The following MVB12B variants were observed in gnomAD, a reference collection of about 807,000 sequenced individuals.
MVB12B encodes the protein ESCRT-I complex subunit MVB12B.
Under a neutral mutation model 41.6 loss-of-function variants are expected in MVB12B, and 16 were observed. The ratio of observed to expected loss-of-function variants is 0.38; its 90% CI spans 0.26 to 0.58. The LOEUF (loss-of-function observed/expected upper bound fraction) is 0.58. MVB12B is among the 20% of genes least tolerant of loss of function. MVB12B has a pLI of 0.62. For synonymous variants in MVB12B, 133 were observed against 139.7 expected (o/e 0.95, Z 0.34); for missense variants, 274 against 380.2 (o/e 0.72, Z 2.32).
intron 6 of MVB12B, among the ~76,000 whole-genome samples, chr9:126,418,660 T>G (rs540257200): frequency 6.6e-6 from 1 of 152,328 alleles, no homozygotes; most frequent in Admixed American, 6.5e-5. Flanking sequence ...CCACGTGGCC[T>G]GGCCCCACCG....
At chr9:126,335,856 T>G (rs938749367) in intron 1 of MVB12B, among the ~76,000 whole-genome samples, 2 of 152,270 alleles carry the variant, frequency 1.3e-5, no homozygotes, top group African/African-American at 4.8e-5. Flanking sequence ...AGGGATGTAA[T>G]TAAGCCACTG....
chr9:126,347,212 C>A (rs1012653951), intron 2 of MVB12B, among the ~76,000 whole-genome samples: 3 of 152,232 alleles, frequency 2.0e-5, no homozygotes, highest in Non-Finnish European at 4.4e-5. Context: ...AGAGCCCAGT[C>A]TGAGAGGGGC....
At chr9:126,371,269 C>T (rs1019134373) in intron 2 of MVB12B, among the ~76,000 whole-genome samples, 16 of 152,220 alleles carry the variant, frequency 1.1e-4, no homozygotes, top group Admixed American at 1.3e-4. Context: ...CGTCTGGGTG[C>T]GACAGAAACG....
chr9:126,356,170 CAT>C (rs1240866690), intron 2 of MVB12B, among the ~76,000 whole-genome samples: 20 of 152,202 alleles, frequency 1.3e-4, no homozygotes, highest in Admixed American at 2.6e-4. Flanking sequence ...GTTACTACCA[CAT>C]GTTATTTTTT....
chr9:126,386,906 A>G lies in MVB12B; in HGVS notation c.409+248A>G, dbSNP rs1057389783. On this transcript the variant is annotated intron_variant, in intron 4 of 9. Transcript: ENST00000361171. The surrounding 1 kb of genome is among the most constrained non-coding windows in gnomAD (Gnocchi z 4.3). ...TCTTTTAGAATGGTGCTCCCTGCTG[A>G]ATCGGCTCACTGGGGAATGGAATGG... Among the ~76,000 whole-genome samples the G allele has an allele frequency of 6.6e-6, 1 of 152,104 alleles. No individual in the cohort carries two copies. Among genetic ancestry groups the G allele is most frequent in the African/African-American group, 2.4e-5 (1 of 41,408 alleles).
chr9:126,407,178 AC>A (rs1490391082), intron 6 of MVB12B, among the ~76,000 whole-genome samples: 1 of 152,176 alleles, frequency 6.6e-6, no homozygotes, highest in Non-Finnish European at 1.5e-5. Context: ...CCAAGTTGGG[AC>A]TAGGTCTCAC....
chr9:126,468,763 C>T lies in MVB12B; in HGVS notation c.758-12606C>T, dbSNP rs1833253120. 1.3e-5 allele frequency among the ~76,000 whole-genome samples: 2 copies of T among 152,238 alleles called. No individual in the cohort carries two copies. The highest frequency in any genetic ancestry group is 1.3e-4 in the Admixed American group (2 of 15,290). ...AAAACCTAAATCTCCCCATCTCTCT[C>T]TCCAGCTCAAAGACCCTTTGGTGGC... On this transcript the variant is annotated intron_variant, in intron 7 of 9. Transcript: ENST00000361171. This position sits in a 1 kb window ranked among gnomAD's most constrained non-coding sequence, Gnocchi z 4.3.
At chr9:126,358,531 C>G (rs1336490842) in intron 2 of MVB12B, among the ~76,000 whole-genome samples, 1 of 152,116 alleles carries the variant, frequency 6.6e-6, no homozygotes, top group Non-Finnish European at 1.5e-5. Context: ...GATCTTTTGT[C>G]TAATCTTTCA....
At chr9:126,445,246 CT>C (rs1315763712) in intron 7 of MVB12B, among the ~76,000 whole-genome samples, 4 of 152,096 alleles carry the variant, frequency 2.6e-5, no homozygotes, top group Non-Finnish European at 5.9e-5. Context: ...TCTTTGCTTT[CT>C]GTTTATATAA....
At chr9:126,416,063 G>A (rs1831814039) in intron 6 of MVB12B, among the ~76,000 whole-genome samples, 1 of 152,196 alleles carries the variant, frequency 6.6e-6, no homozygotes, top group African/African-American at 2.4e-5. Context: ...AGGAGGGATG[G>A]GCCAGAGCTG....
In MVB12B at chr9:126,376,629, G is replaced by C; in HGVS notation, c.205-4435G>C. 7.8e-6 allele frequency: 10 copies of C among 1,289,268 alleles called. No homozygotes were observed. Among genetic ancestry groups the C allele is most frequent in the Non-Finnish European group, 1.0e-5 (10 of 988,776 alleles). 79.9% of individuals were successfully genotyped at this position (1,289,268 alleles called of 1,614,324 possible). A position where few individuals can be genotyped will look rare whatever the true frequency, so the allele number is the denominator to read the frequency against. On this transcript the variant is annotated intron_variant, in intron 2 of 9. Transcript: ENST00000361171. The surrounding 1 kb of genome is among the most constrained non-coding windows in gnomAD (Gnocchi z 4.1). The stretch of plus-strand genomic sequence containing the variant: ...GAGGCGGCTGGAAGCAAGAAGGAGG[G>C]TAAGCGCGGGTGGCAGGGAGGGGCC...
Position 126,392,355 on chromosome 9 carries a change from C to T in MVB12B, c.539+160C>T, listed in dbSNP as rs112032652. ...CCTCGCTGCCCTTCCTGCTCAGCTGCGGTCTCTCTGAGCCTCGGCTCGCAC... is the reference window on the plus strand; with the variant it reads ...CCTCGCTGCCCTTCCTGCTCAGCTGTGGTCTCTCTGAGCCTCGGCTCGCAC... On this transcript the variant is annotated intron_variant, in intron 5 of 9. Transcript: ENST00000361171. This position sits in a 1 kb window ranked among gnomAD's most constrained non-coding sequence, Gnocchi z 4.8. 6.6e-6 allele frequency among the ~76,000 whole-genome samples: 1 copy of T among 152,218 alleles called. No homozygotes were observed. The highest frequency in any genetic ancestry group is 1.5e-5 in the Non-Finnish European group (1 of 68,044).
chr9:126,500,956 C>G (rs1244174615), intron 9 of MVB12B, among the ~76,000 whole-genome samples: 1 of 152,238 alleles, frequency 6.6e-6, no homozygotes, highest in Non-Finnish European at 1.5e-5. Flanking sequence ...CCCTCCTCTG[C>G]TACCTTGGGA....
intron 7 of MVB12B, among the ~76,000 whole-genome samples, chr9:126,474,121 G>A (rs551250228): frequency 1.3e-5 from 2 of 152,160 alleles, no homozygotes; most frequent in African/African-American, 4.8e-5. Context: ...AGGCAGCGTG[G>A]GGGGATGAAG....
intron 2 of MVB12B, among the ~76,000 whole-genome samples, chr9:126,354,951 T>C (rs1012259139): frequency 2.6e-5 from 4 of 152,202 alleles, no homozygotes; most frequent in African/African-American, 9.7e-5. Context: ...TTTTTAAACA[T>C]CAGATTTTTA....
At chr9:126,501,343 C>A (rs1833951743) in intron 9 of MVB12B, among the ~76,000 whole-genome samples, 2 of 152,214 alleles carry the variant, frequency 1.3e-5, no homozygotes, top group African/African-American at 4.8e-5. Context: ...GAGATGAGTT[C>A]ACTGAGGGCA....
At position 126,416,860 on chromosome 9, in the gene MVB12B, C is replaced by T. The variant is rs550596678; in HGVS notation, c.663-4994C>T. On this transcript the variant is annotated intron_variant, in intron 6 of 9. Transcript: ENST00000361171. Reference sequence around the variant, plus strand: ...ATCCCACGCTGGGGAACTGGAATCTCATCTCGCCAGAGACCCAGCTGATGG... The same window carrying T: ...ATCCCACGCTGGGGAACTGGAATCTTATCTCGCCAGAGACCCAGCTGATGG... Among the ~76,000 whole-genome samples, 7 of 152,328 alleles carry T rather than the reference C, an allele frequency of 4.6e-5. No individual in the cohort carries two copies. The South Asian group carries it at 1.5e-3, about 32-fold the overall frequency.
intron 2 of MVB12B, among the ~76,000 whole-genome samples, chr9:126,370,200 C>T (rs576233251): frequency 2.0e-5 from 3 of 152,118 alleles, no homozygotes; most frequent in East Asian, 1.9e-4. Flanking sequence ...ATAGAATTGC[C>T]GGTCATTTTC....
chr9:126,349,279 G>A (rs1829683934), intron 2 of MVB12B, among the ~76,000 whole-genome samples: 1 of 152,170 alleles, frequency 6.6e-6, no homozygotes, highest in African/African-American at 2.4e-5. Context: ...AAGAGCCCGT[G>A]AAAGCAGGCA....
Sources: allele counts gnomAD v4.1 joint callset (sites outside exome capture counted in the v4.1 genomes callset), GRCh38; gene constraint gnomAD v4.1.1; non-coding constraint Gnocchi (gnomAD v3.1); transcripts MANE v1.5; gene names NCBI Gene and HGNC (gene_info 2026-07-23, HGNC 2026-07-21).